PLXDC2: variants seen among roughly 807,000 people sequenced by gnomAD.
PLXDC2 encodes plexin domain-containing protein 2.
Under a neutral mutation model 68.9 loss-of-function variants are expected in PLXDC2, and 40 were observed. The observed-to-expected ratio is 0.58, with a 90% CI of 0.45 to 0.76. PLXDC2 has a LOEUF of 0.76. Ranked by LOEUF, PLXDC2 falls within the 30% of genes least tolerant of loss-of-function variation. The probability of loss-of-function intolerance (pLI) is 0.00; values close to 1 mark genes in which losing one functional copy is unlikely to be tolerated. For missense variants in PLXDC2, 644 were observed against 661.9 expected (o/e 0.97, Z 0.30); for synonymous variants, 243 against 234.2 (o/e 1.04, Z -0.34).
intron 1 of PLXDC2, among the ~76,000 whole-genome samples, chr10:19,914,123 T>TAGGGAGGAAGGAAAGAAGGA (rs1833324671): frequency 7.6e-6 from 1 of 131,598 alleles, no homozygotes; most frequent in Admixed American, 7.9e-5. Context: ...GGTAGGGAGG[T>TAGGGAGGAAGGAAAGAAGGA]AGGGAGGAAG....
intron 4 of PLXDC2, among the ~76,000 whole-genome samples, chr10:20,069,381 G>A (rs1339778151): frequency 6.6e-6 from 1 of 152,168 alleles, no homozygotes; most frequent in East Asian, 1.9e-4. Context: ...GATGAAATAT[G>A]CCCAGGTGCA....
chr10:20,076,705 A>T (rs1836457060), intron 4 of PLXDC2, among the ~76,000 whole-genome samples: 1 of 152,146 alleles, frequency 6.6e-6, no homozygotes, highest in Non-Finnish European at 1.5e-5. Flanking sequence ...AGTGTTTAGG[A>T]ACCTAATCCA....
chr10:20,046,304 C>T (rs1308606405), intron 2 of PLXDC2, among the ~76,000 whole-genome samples: 1 of 151,838 alleles, frequency 6.6e-6, no homozygotes, highest in Non-Finnish European at 1.5e-5. Flanking sequence ...CTAAAGAAGA[C>T]TACTAATTTT....
At chr10:19,827,408 T>G (rs191794201) in intron 1 of PLXDC2, among the ~76,000 whole-genome samples, 59 of 152,322 alleles carry the variant, frequency 3.9e-4, no homozygotes, top group African/African-American at 1.4e-3. Context: ...TGCTACAAAC[T>G]CTTGGGCTTT....
chr10:20,165,576 A>C (rs1365929894), intron 7 of PLXDC2, among the ~76,000 whole-genome samples: 1 of 152,054 alleles, frequency 6.6e-6, no homozygotes, highest in African/African-American at 2.4e-5. Flanking sequence ...ATGATTTCCA[A>C]TTTCATCCAT....
Position 20,068,151 on chromosome 10 carries a change from C to G in PLXDC2, c.472-19C>G. 1.3e-6 allele frequency: 2 copies of G among 1,598,698 alleles called. No individual in the cohort carries two copies. The highest frequency in any genetic ancestry group is 1.7e-6 in the Non-Finnish European group (2 of 1,168,394). On this transcript the variant is annotated intron_variant, in intron 3 of 13. Coordinates refer to ENST00000377252, the MANE Select transcript of PLXDC2 (RefSeq NM_032812.9). ...TGCTACACATTATTGATTTTTTTCTCTGGTGTTGTTCTTTGCAGAGAGTGA... is the reference window on the plus strand; with the variant it reads ...TGCTACACATTATTGATTTTTTTCTGTGGTGTTGTTCTTTGCAGAGAGTGA...
intron 12 of PLXDC2, among the ~76,000 whole-genome samples, chr10:20,231,600 A>G (rs1056130810): frequency 6.8e-6 from 1 of 147,686 alleles, no homozygotes; most frequent in Non-Finnish European, 1.5e-5. Flanking sequence ...GTAGAAAAAT[A>G]AAATAGAAAA....
chr10:19,878,099 A>G (rs1443105620), intron 1 of PLXDC2, among the ~76,000 whole-genome samples: 1 of 152,242 alleles, frequency 6.6e-6, no homozygotes, highest in Admixed American at 6.5e-5. Flanking sequence ...CTGTTCTATA[A>G]GCTATAAATG....
chr10:19,966,815 T>C (rs1200042679), intron 1 of PLXDC2, among the ~76,000 whole-genome samples: 2 of 152,050 alleles, frequency 1.3e-5, no homozygotes, highest in African/African-American at 4.8e-5. Flanking sequence ...ACCATTTTTT[T>C]TTTCCCCCAG....
chr10:19,983,517 AG>A (rs1834587340), intron 1 of PLXDC2, among the ~76,000 whole-genome samples: 1 of 152,240 alleles, frequency 6.6e-6, no homozygotes, highest in African/African-American at 2.4e-5. Context: ...TGTACTGCTG[AG>A]GGGGTGAGGA....
chr10:20,045,309 T>A (rs986850308), intron 2 of PLXDC2, among the ~76,000 whole-genome samples: 4 of 152,078 alleles, frequency 2.6e-5, no homozygotes, highest in African/African-American at 7.2e-5. Context: ...TAGCTGGGAT[T>A]ACAAGCACCC....
At chr10:19,963,883 C>T (rs1267329402) in intron 1 of PLXDC2, among the ~76,000 whole-genome samples, 1 of 151,828 alleles carries the variant, frequency 6.6e-6, no homozygotes, top group Non-Finnish European at 1.5e-5. Flanking sequence ...GGCTTTAGGT[C>T]CTGCCTGAAG....
At chr10:19,847,854 T>G (rs1837039265) in intron 1 of PLXDC2, among the ~76,000 whole-genome samples, 1 of 152,236 alleles carries the variant, frequency 6.6e-6, no homozygotes, top group Non-Finnish European at 1.5e-5. Flanking sequence ...TATACTGTAC[T>G]GGGATTACAC....
At chr10:20,140,443 G>GCTA (rs59619486) in intron 4 of PLXDC2, among the ~76,000 whole-genome samples, 2 of 150,210 alleles carry the variant, frequency 1.3e-5, no homozygotes, top group Non-Finnish European at 3.0e-5. Context: ...CTATCTATCC[G>GCTA]TCTAATCTTT....
chr10:19,859,477 T>C (rs1306906054), intron 1 of PLXDC2, among the ~76,000 whole-genome samples: 1 of 152,176 alleles, frequency 6.6e-6, no homozygotes, highest in Non-Finnish European at 1.5e-5. Flanking sequence ...TGAAATTGCA[T>C]ATTGATATGT....
At chr10:20,206,703 A>G (rs1564353176) in intron 9 of PLXDC2, among the ~76,000 whole-genome samples, 1 of 152,094 alleles carries the variant, frequency 6.6e-6, no homozygotes, top group African/African-American at 2.4e-5. Flanking sequence ...TTGCCAGAGA[A>G]TCTTACTCAG....
intron 1 of PLXDC2, among the ~76,000 whole-genome samples, chr10:19,836,847 C>T (rs1272907724): frequency 6.6e-6 from 1 of 152,160 alleles, no homozygotes; most frequent in Non-Finnish European, 1.5e-5. Flanking sequence ...TTTTTCCTCA[C>T]TGTAATTAAT....
chr10:19,854,462 G>A (rs955641145), intron 1 of PLXDC2, among the ~76,000 whole-genome samples: 16 of 152,128 alleles, frequency 1.1e-4, no homozygotes, highest in Admixed American at 3.3e-4. Context: ...AACTTGAGGG[G>A]TGCTACTGGT....
chr10:20,245,544 G>T (rs778986631), intron 13 of PLXDC2, 39 bp downstream of exon 13: 44 of 1,581,012 alleles, frequency 2.8e-5, no homozygotes, highest in Non-Finnish European at 2.2e-5. Flanking sequence ...CACGCCAGTT[G>T]ATGAACTGTA....
Sources: allele counts gnomAD v4.1 joint callset (sites outside exome capture counted in the v4.1 genomes callset), GRCh38; gene constraint gnomAD v4.1.1; transcripts MANE v1.5; gene names NCBI Gene and HGNC (gene_info 2026-07-23, HGNC 2026-07-21).